SFTPD: variants seen among roughly 807,000 people sequenced by gnomAD.
SFTPD encodes the protein pulmonary surfactant-associated protein D.
A neutral mutation model predicts 34.6 loss-of-function variants in SFTPD; 18 were observed. That is an observed-to-expected ratio of 0.52 (90% CI 0.36 to 0.77). SFTPD has a LOEUF of 0.77. SFTPD is among the 30% of genes least tolerant of loss of function. The pLI is 0.00. For missense variants in SFTPD, 433 were observed against 468.9 expected (o/e 0.92, Z 0.71); for synonymous variants, 155 against 180.9 (o/e 0.86, Z 1.15).
intron 1 of SFTPD, among the ~76,000 whole-genome samples, chr10:79,955,019 G>T (rs1842730862): frequency 6.6e-6 from 1 of 152,142 alleles, no homozygotes. Flanking sequence ...CTCACCACCT[G>T]TTTCTTTGTT....
rs753045241 is a variant in SFTPD, at chr10:79,942,056, G to T, written c.448C>A (p.Pro150Thr). 6.2e-7 allele frequency: 1 copy of T among 1,611,970 alleles called. No individual in the cohort carries two copies. The highest frequency in any genetic ancestry group is 1.1e-5 in the South Asian group (1 of 91,030). Reference sequence around the variant, plus strand: ...GCCCCTGCCGAGCCCTGCATGCCTGGGGCACCTACTTCTCCTGAAGAAGGA... The same window carrying T: ...GCCCCTGCCGAGCCCTGCATGCCTGTGGCACCTACTTCTCCTGAAGAAGGA... The part of the protein sequence containing the change: ...EAGPKGEVGA[P>T]GMQGSAGARG... Residue 150 changes from proline to threonine, a missense_variant, in exon 5 of 8, where the codon CCA (proline) becomes ACA (threonine). Coordinates refer to ENST00000372292, the MANE Select transcript of SFTPD (RefSeq NM_003019.5).
intron 1 of SFTPD, among the ~76,000 whole-genome samples, chr10:79,978,852 A>G (rs943855054): frequency 2.2e-4 from 33 of 151,962 alleles, no homozygotes; most frequent in African/African-American, 7.7e-4. Flanking sequence ...AGCCAGCTCA[A>G]TTAGGCAATA....
chr10:79,957,463 G>A (rs10788327), intron 1 of SFTPD, among the ~76,000 whole-genome samples: 22,277 of 152,128 alleles, frequency 0.15, 2,067 homozygotes, highest in East Asian at 0.41. Flanking sequence ...AAAGGAGCTG[G>A]TGGAGCTGAA....
chr10:79,982,152 G>T, intron 1 of SFTPD: 1 of 382,154 alleles, frequency 2.6e-6, no homozygotes, highest in Non-Finnish European at 4.4e-6. Flanking sequence ...CGCGCCTGGC[G>T]GGGCAGGGCG....
At chr10:79,967,676 T>A (rs1842810426) in intron 1 of SFTPD, among the ~76,000 whole-genome samples, 1 of 151,466 alleles carries the variant, frequency 6.6e-6, no homozygotes, top group South Asian at 2.1e-4. Context: ...GATCTTTATT[T>A]TTCTTATTAA....
At chr10:79,977,282 C>T (rs1270047272) in intron 1 of SFTPD, among the ~76,000 whole-genome samples, 4 of 152,332 alleles carry the variant, frequency 2.6e-5, no homozygotes, top group Admixed American at 1.3e-4. Flanking sequence ...TCCCTCCCAA[C>T]CACAGGACTC....
intron 2 of SFTPD, among the ~76,000 whole-genome samples, chr10:79,945,651 C>T (rs1258268765): frequency 6.6e-6 from 1 of 152,268 alleles, no homozygotes; most frequent in Non-Finnish European, 1.5e-5. Context: ...TTAGGTACAG[C>T]AGAAAATGCA....
At chr10:79,948,216 G>A (rs1842685432) in intron 1 of SFTPD, among the ~76,000 whole-genome samples, 1 of 152,252 alleles carries the variant, frequency 6.6e-6, no homozygotes, top group Non-Finnish European at 1.5e-5. Flanking sequence ...TGAGCAGCAA[G>A]GGCCAGACCC....
chr10:79,969,246 C>A (rs1485549372), intron 1 of SFTPD: 1 of 152,200 alleles, frequency 6.6e-6, no homozygotes, highest in Non-Finnish European at 1.5e-5. Context: ...GAGGCCGAGG[C>A]CTGTGGATCA....
At chr10:79,943,617 G>T (rs3793925) in intron 2 of SFTPD, among the ~76,000 whole-genome samples, 7 of 152,122 alleles carry the variant, frequency 4.6e-5, no homozygotes, top group African/African-American at 1.4e-4. Flanking sequence ...AGGCCTCCAT[G>T]GGGGGTGAGC....
chr10:79,955,677 A>G (rs1011469826), intron 1 of SFTPD, among the ~76,000 whole-genome samples: 1 of 152,252 alleles, frequency 6.6e-6, no homozygotes, highest in Non-Finnish European at 1.5e-5. Flanking sequence ...ATGCATATGC[A>G]GGTTCTATGA....
At chr10:79,958,359 T>C (rs2132511921) in intron 1 of SFTPD, among the ~76,000 whole-genome samples, 1 of 152,216 alleles carries the variant, frequency 6.6e-6, no homozygotes, top group East Asian at 1.9e-4. Context: ...GACTGGCAAA[T>C]TGGATAAAGA....
chr10:79,948,031 T>C (rs1451922229), intron 1 of SFTPD, among the ~76,000 whole-genome samples: 8 of 152,220 alleles, frequency 5.3e-5, no homozygotes, highest in East Asian at 3.9e-4. Context: ...AGGAGTGCCT[T>C]CTTCTTTGAC....
At chr10:79,959,175 G>A (rs1195087729) in intron 1 of SFTPD, among the ~76,000 whole-genome samples, 2 of 150,218 alleles carry the variant, frequency 1.3e-5, no homozygotes, top group Non-Finnish European at 3.0e-5. Context: ...AGCACTAAAT[G>A]CCCACAAGAG....
chr10:79,942,262 T>C, intron 4 of SFTPD, 126 bp downstream of exon 4: 1 of 760,450 alleles, frequency 1.3e-6, no homozygotes. Context: ...GGAGGGTGCA[T>C]GGCAAGCCTT....
rs1321752753 is a variant in SFTPD, at chr10:79,946,607, T to C, written c.53A>G (p.Tyr18Cys). 1 of 1,614,178 alleles carries C rather than the reference T, an allele frequency of 6.2e-7. No individual in the cohort carries two copies. The highest frequency in any genetic ancestry group is 1.1e-5 in the South Asian group (1 of 91,078). ...GTAGGTCTTCATTTCTGCTTCCAGGTAGCCCAGGGGCTGTGTGAGCAGGAC... is the reference window on the plus strand; with the variant it reads ...GTAGGTCTTCATTTCTGCTTCCAGGCAGCCCAGGGGCTGTGTGAGCAGGAC... ...ALVLLTQPLG[Y>C]LEAEMKTYSH... is the part of the protein sequence containing the mutation. The change falls in exon 2 of 8, where the codon TAC becomes TGC. Residue 18 changes from tyrosine to cysteine, a missense_variant. By Grantham distance (194) the Tyr-to-Cys change is radical. Coordinates refer to ENST00000372292, the MANE Select transcript of SFTPD (RefSeq NM_003019.5).
chr10:79,970,231 G>A (rs1243865185), intron 1 of SFTPD: 2 of 151,500 alleles, frequency 1.3e-5, no homozygotes, highest in Admixed American at 1.3e-4. Context: ...TTCTGTTTAT[G>A]TCTCTGGTTT....
intron 1 of SFTPD, chr10:79,971,247 G>A (rs1198207479): frequency 2.0e-5 from 3 of 152,060 alleles, no homozygotes; most frequent in Non-Finnish European, 4.4e-5. Context: ...ATGTATTGTT[G>A]AATTCTGTTT....
intron 1 of SFTPD, chr10:79,971,553 A>G (rs893414362): frequency 6.6e-6 from 1 of 151,960 alleles, no homozygotes; most frequent in African/African-American, 2.4e-5. Flanking sequence ...TGGTCTGTCC[A>G]GATTTTCTAC....
Sources: allele counts gnomAD v4.1 joint callset (sites outside exome capture counted in the v4.1 genomes callset), GRCh38; gene constraint gnomAD v4.1.1; transcripts MANE v1.5; gene names NCBI Gene and HGNC (gene_info 2026-07-23, HGNC 2026-07-21).